The following TRAK1 variants were observed in gnomAD, a reference collection of about 807,000 sequenced individuals.
TRAK1 encodes the protein trafficking kinesin-binding protein 1.
Under a neutral mutation model 92.1 loss-of-function variants are expected in TRAK1, and 33 were observed. The observed-to-expected ratio is 0.36, with a 90% CI of 0.27 to 0.48. The LOEUF is 0.48. TRAK1 is among the 20% of genes least tolerant of loss of function. The pLI, the probability that TRAK1 is intolerant of heterozygous loss-of-function variation, is 0.99. For synonymous variants in TRAK1, 521 were observed against 517.3 expected, an observed-to-expected ratio of 1.01 and a Z score of -0.10; for missense variants, 1,123 against 1,257.9, an observed-to-expected ratio of 0.89 and a Z score of 1.62.
At chr3:42,029,219 C>T (rs1326838552) in intron 1 of TRAK1, among the ~76,000 whole-genome samples, 1 of 152,188 alleles carries the variant, frequency 6.6e-6, no homozygotes, top group Non-Finnish European at 1.5e-5. Flanking sequence ...GATTACAATT[C>T]AACATGAGAT....
At chr3:42,207,050 A>G (rs1708412523) in intron 13 of TRAK1, among the ~76,000 whole-genome samples, 1 of 152,096 alleles carries the variant, frequency 6.6e-6, no homozygotes, top group Non-Finnish European at 1.5e-5. Flanking sequence ...GCATTTCCTT[A>G]CCAGGGTTCT....
At chr3:42,166,587 A>G (rs1301491495) in intron 2 of TRAK1, among the ~76,000 whole-genome samples, 1 of 152,220 alleles carries the variant, frequency 6.6e-6, no homozygotes. Context: ...TAAGTGAAAT[A>G]ATACTTGTAA....
intron 1 of TRAK1, among the ~76,000 whole-genome samples, chr3:42,037,677 A>C (rs760935025): frequency 6.6e-6 from 1 of 152,268 alleles, no homozygotes; most frequent in Non-Finnish European, 1.5e-5. Context: ...CAAGGGCTAA[A>C]GAAAAGGTAC....
intron 2 of TRAK1, among the ~76,000 whole-genome samples, chr3:42,159,558 C>T (rs2149294696): frequency 6.6e-6 from 1 of 152,222 alleles, no homozygotes; most frequent in Middle Eastern, 3.4e-3. Context: ...TTTTTTCTTA[C>T]CTTGTTCTAG....
intron 2 of TRAK1, chr3:42,149,342 A>G (rs1699687909): frequency 1.4e-6 from 2 of 1,434,588 alleles, no homozygotes; most frequent in East Asian, 2.5e-5. Context: ...TCCTTCCCCC[A>G]TAGAATTTTT....
intron 1 of TRAK1, among the ~76,000 whole-genome samples, chr3:42,038,802 A>AAAAATT (rs1559714995): frequency 9.4e-6 from 1 of 105,924 alleles, no homozygotes; most frequent in African/African-American, 5.1e-5. Flanking sequence ...AAAAAAAAAA[A>AAAAATT]GTTTTTTTTT....
chr3:42,045,881 A>G (rs1248768928), intron 1 of TRAK1, among the ~76,000 whole-genome samples: 1 of 152,130 alleles, frequency 6.6e-6, no homozygotes, highest in Non-Finnish European at 1.5e-5. Context: ...GTAAATTGAA[A>G]CACTTTATAA....
chr3:42,080,879 T>G (rs1432719407), intron 1 of TRAK1, among the ~76,000 whole-genome samples: 1 of 152,164 alleles, frequency 6.6e-6, no homozygotes, highest in Non-Finnish European at 1.5e-5. Flanking sequence ...ACTATTAAAC[T>G]ACTCTTTTTT....
chr3:42,113,476 C>T (rs551801502), intron 1 of TRAK1, among the ~76,000 whole-genome samples: 3 of 148,094 alleles, frequency 2.0e-5, no homozygotes, highest in East Asian at 2.1e-4. Context: ...CAGGCTGGAG[C>T]GCAGTGGCAT....
At position 42,125,387 on chromosome 3, in the gene TRAK1, TG is replaced by T. The variant is rs750038711; in HGVS notation, c.92-30del. The T allele has an allele frequency of 3.7e-6, 6 of 1,600,804 alleles. No individual in the cohort carries two copies. In the African/African-American group the frequency reaches 6.7e-5, roughly 18 times the overall value. On this transcript the variant is annotated intron_variant, in intron 1 of 15. Coordinates refer to ENST00000327628, the MANE Select transcript of TRAK1 (RefSeq NM_001042646.3). ...CTAGCAGCAAGGCCATAGCCATTTCTGGGCTCTCATTTCTTGGTTGTCTTGT... is the reference window on the plus strand; with the variant it reads ...CTAGCAGCAAGGCCATAGCCATTTCTGGCTCTCATTTCTTGGTTGTCTTGT...
intron 1 of TRAK1, among the ~76,000 whole-genome samples, chr3:42,025,861 C>T (rs895154520): frequency 2.0e-5 from 3 of 152,172 alleles, no homozygotes; most frequent in Non-Finnish European, 4.4e-5. Flanking sequence ...CAGCCTTGTT[C>T]ACTTCCCACA....
chr3:42,148,105 G>T (rs1004542745), intron 2 of TRAK1, among the ~76,000 whole-genome samples: 2 of 152,118 alleles, frequency 1.3e-5, no homozygotes, highest in Admixed American at 6.5e-5. Context: ...ACCTGGCCAA[G>T]AGGACAATGA....
At chr3:42,189,864 AG>A (rs772066240) in intron 6 of TRAK1, among the ~76,000 whole-genome samples, 4 of 152,188 alleles carry the variant, frequency 2.6e-5, no homozygotes, top group Non-Finnish European at 4.4e-5. Flanking sequence ...TAACTCAAAA[AG>A]GTTGAGCTGA....
At chr3:42,206,209 G>T (rs775976066) in intron 13 of TRAK1, among the ~76,000 whole-genome samples, 3 of 152,192 alleles carry the variant, frequency 2.0e-5, no homozygotes, top group Non-Finnish European at 4.4e-5. Flanking sequence ...GATGGTTTAG[G>T]CAGCAGCAGG....
Position 42,193,056 on chromosome 3 carries a change from T to C in TRAK1, c.770-19T>C. The C allele has an allele frequency of 1.2e-6, 2 of 1,612,982 alleles. No individual in the cohort carries two copies. Among genetic ancestry groups the C allele is most frequent in the Non-Finnish European group, 1.7e-6 (2 of 1,179,566 alleles). On this transcript the variant is annotated intron_variant, in intron 7 of 15. Transcript: ENST00000327628. ...TGGTTTTCTGACTTCCTCTCCTGAT[T>C]GTTGCTTCTTTGTCAAAGGGGATGC...
intron 8 of TRAK1, 103 bp downstream of exon 8, chr3:42,193,308 C>T (rs1706098262): frequency 6.7e-7 from 1 of 1,486,522 alleles, no homozygotes. Flanking sequence ...CATATCTTAG[C>T]AGTTCGTGTT....
chr3:42,218,353 T>G, intron 14 of TRAK1: 1 of 984,962 alleles, frequency 1.0e-6, no homozygotes, highest in Non-Finnish European at 1.2e-6. Flanking sequence ...CTTTTGAATC[T>G]TCATGGCCTT....
chr3:42,173,386 G>A (rs535999921), intron 2 of TRAK1, among the ~76,000 whole-genome samples: 119 of 152,282 alleles, frequency 7.8e-4, no homozygotes, highest in African/African-American at 2.7e-3. Flanking sequence ...TATGCTGTCT[G>A]AAGGCATGGT....
chr3:42,152,785 C>T (rs1337718515), intron 2 of TRAK1, among the ~76,000 whole-genome samples: 1 of 152,076 alleles, frequency 6.6e-6, no homozygotes. Context: ...CAGTGTATGT[C>T]CTTATGTTAA....
Sources: gnomAD v4.1 joint callset for allele counts (sites outside exome capture counted in the v4.1 genomes callset) on GRCh38, gnomAD v4.1.1 for gene constraint, MANE v1.5 for transcripts, NCBI Gene and HGNC (gene_info 2026-07-23, HGNC 2026-07-21) for gene names.